Variants in PPP4R3B observed in about 807,000 individuals in gnomAD.
PPP4R3B encodes the protein serine/threonine-protein phosphatase 4 regulatory subunit 3B.
Under a neutral mutation model 95.4 loss-of-function variants are expected in PPP4R3B, and 52 were observed. The observed-to-expected ratio is 0.54, with a 90% CI of 0.44 to 0.69. The LOEUF is 0.69. Among genes scored for constraint, PPP4R3B ranks in the 30% least tolerant of loss-of-function variants. The pLI is 0.00. For synonymous variants in PPP4R3B, 407 were observed against 343.9 expected (o/e 1.18, Z -2.03); for missense variants, 1,003 against 1,005.9 (o/e 1.00, Z 0.04).
intron 3 of PPP4R3B, among the ~76,000 whole-genome samples, chr2:55,599,902 T>C (rs1692313033): frequency 6.6e-6 from 1 of 152,200 alleles, no homozygotes; most frequent in South Asian, 2.1e-4. Flanking sequence ...CTTCACACAT[T>C]TCCTTCATTC....
intron 16 of PPP4R3B, among the ~76,000 whole-genome samples, chr2:55,553,997 A>T (rs35057183): frequency 0.11 from 16,358 of 152,182 alleles, 1,100 homozygotes; most frequent in East Asian, 0.24. Flanking sequence ...GTCATATGGT[A>T]ACTCTGGGTC....
At chr2:55,591,660 T>G in intron 4 of PPP4R3B, 1 of 984,822 alleles carries the variant, frequency 1.0e-6, no homozygotes, top group Non-Finnish European at 1.2e-6. Flanking sequence ...TGAATTCTTC[T>G]TATATGATTC....
At position 55,578,323 on chromosome 2, in the gene PPP4R3B, G is replaced by T; in HGVS notation, c.1488C>A (p.Tyr496Ter). The change falls in exon 10 of 17, where the codon TAC becomes TAA. Residue 496 changes from tyrosine (Y) to a stop codon, truncating the protein, a stop_gained. Coordinates refer to ENST00000616407, the MANE Select transcript of PPP4R3B (RefSeq NM_001122964.3). LOFTEE classifies it high-confidence loss of function. ...TACATATGAAACTCCAACTATATCTGTAATGTTTTAAAAAAAAATCTGAAA... is the reference window on the plus strand; with the variant it reads ...TACATATGAAACTCCAACTATATCTTTAATGTTTTAAAAAAAAATCTGAAA... ...KCEKDFFLKHYRYSWSFICTP... is the reference protein window; with the variant it reads ...KCEKDFFLKH 6.9e-7 allele frequency: 1 copy of T among 1,446,512 alleles called. No individual in the cohort carries two copies. The highest frequency in any genetic ancestry group is 1.6e-5 in the South Asian group (1 of 61,454). The allele number at this position is 1,446,512 out of a possible 1,614,324, so 89.6% of individuals were successfully genotyped here. A position where few individuals can be genotyped will look rare whatever the true frequency, so the allele number is the denominator to read the frequency against.
At chr2:55,594,393 A>C (rs934985270) in intron 4 of PPP4R3B, among the ~76,000 whole-genome samples, 2 of 152,176 alleles carry the variant, frequency 1.3e-5, no homozygotes, top group African/African-American at 4.8e-5. Context: ...CAGTTCACAG[A>C]ATCTGGCTAT....
chr2:55,598,375 T>C (rs556588790), intron 4 of PPP4R3B, 41 bp downstream of exon 4: 3 of 1,585,296 alleles, frequency 1.9e-6, no homozygotes, highest in African/African-American at 1.4e-5. Flanking sequence ...GGGAACTAAA[T>C]ATCTGAAAAA....
At chr2:55,567,569 T>C (rs2103978341) in intron 13 of PPP4R3B, among the ~76,000 whole-genome samples, 1 of 152,170 alleles carries the variant, frequency 6.6e-6, no homozygotes. Context: ...GCGTGTGCCA[T>C]CACACTCAGC....
chr2:55,617,150 A>C lies in PPP4R3B; in HGVS notation c.136T>G (p.Ser46Ala), dbSNP rs551312234. ...KGMSLLVRAE[S>A]DGSLLLESKI... is the part of the protein sequence containing the mutation. ...ACAGTTCCGATAACCTTACCGTCGG[A>C]CTCTGCCCGAACCAGCAGCGACATC... The change falls in exon 1 of 17, where the codon TCC becomes GCC. Residue 46 changes from serine (S) to alanine (A), a missense_variant. Coordinates refer to ENST00000616407, the MANE Select transcript of PPP4R3B (RefSeq NM_001122964.3). The C allele has an allele frequency of 1.9e-6, 3 of 1,611,294 alleles. No individual in the cohort carries two copies. The African/African-American group carries it at 4.0e-5, about 22-fold the overall frequency.
intron 2 of PPP4R3B, chr2:55,615,229 T>G (rs1258263434): frequency 1.0e-5 from 5 of 489,126 alleles, no homozygotes; most frequent in Non-Finnish European, 1.8e-5. Flanking sequence ...AATAAATACA[T>G]CTTAGAATAA....
At chr2:55,557,541 T>C (rs896605999) in intron 16 of PPP4R3B, among the ~76,000 whole-genome samples, 2 of 152,218 alleles carry the variant, frequency 1.3e-5, no homozygotes, top group Non-Finnish European at 1.5e-5. Context: ...AGTTGAAAAC[T>C]AATTTTAAAA....
rs1385170713 is a variant in PPP4R3B at position 55,557,729 on chromosome 2, A to C, written c.2454+1046T>G. 5.3e-5 allele frequency among the ~76,000 whole-genome samples: 8 copies of C among 152,208 alleles called. No homozygotes were observed. In the East Asian group the frequency reaches 1.2e-3, roughly 22 times the overall value. ...TTCCTTTAATTAGGTATGTACTACC[A>C]CGGTGTTTCTGCTTGTCTTTCTACC... On this transcript the variant is annotated intron_variant, in intron 16 of 16. Coordinates refer to ENST00000616407, the MANE Select transcript of PPP4R3B (RefSeq NM_001122964.3).
chr2:55,559,947 C>T (rs1686376748), intron 15 of PPP4R3B, among the ~76,000 whole-genome samples: 1 of 151,988 alleles, frequency 6.6e-6, no homozygotes, highest in Non-Finnish European at 1.5e-5. Context: ...CATGATGAAA[C>T]CTATTCTCTA....
At chr2:55,589,225 T>A (rs1422233488) in intron 4 of PPP4R3B, among the ~76,000 whole-genome samples, 1 of 152,230 alleles carries the variant, frequency 6.6e-6, no homozygotes, top group Non-Finnish European at 1.5e-5. Flanking sequence ...CTAGAGGTGT[T>A]ACGTGAAAAC....
chr2:55,564,033 C>G (rs1468866763), intron 15 of PPP4R3B, among the ~76,000 whole-genome samples: 1 of 152,034 alleles, frequency 6.6e-6, no homozygotes, highest in East Asian at 1.9e-4. Context: ...GAAATAAAGC[C>G]AAGACTATTC....
chr2:55,600,867 T>C (rs1054689257), intron 3 of PPP4R3B, among the ~76,000 whole-genome samples: 9 of 151,948 alleles, frequency 5.9e-5, no homozygotes, highest in African/African-American at 1.9e-4. Context: ...AGTATTAACA[T>C]TGGTGCCTAA....
intron 16 of PPP4R3B, 107 bp from the exon 17 acceptor site, chr2:55,550,113 A>C: frequency 1.4e-6 from 1 of 735,650 alleles, no homozygotes; most frequent in Non-Finnish European, 2.2e-6. Flanking sequence ...TTTCTAAATC[A>C]TATCAGAAAT....
At chr2:55,586,869 T>C in intron 5 of PPP4R3B, 135 bp from the exon 6 acceptor site, 1 of 506,328 alleles carries the variant, frequency 2.0e-6, no homozygotes, top group African/African-American at 2.0e-5. Flanking sequence ...TCCTCAAAAC[T>C]ACATTAAAAA....
chr2:55,557,006 T>C (rs1345237813), intron 16 of PPP4R3B, among the ~76,000 whole-genome samples: 3 of 152,158 alleles, frequency 2.0e-5, no homozygotes, highest in African/African-American at 7.2e-5. Context: ...GCGGAGGCAG[T>C]GAGCTGTGAT....
chr2:55,596,278 T>C (rs1691766430), intron 4 of PPP4R3B, among the ~76,000 whole-genome samples: 1 of 152,192 alleles, frequency 6.6e-6, no homozygotes, highest in African/African-American at 2.4e-5. Context: ...ATATAAAAAC[T>C]GTTCTTGGAG....
rs770018855 is a variant in PPP4R3B at position 55,586,696 on chromosome 2, T to C, written c.1038A>G (p.Thr346=). The C allele has an allele frequency of 3.1e-6, 5 of 1,607,810 alleles. No individual in the cohort carries two copies. Among genetic ancestry groups the C allele is most frequent in the South Asian group, 2.2e-5 (2 of 89,146 alleles). The change falls in exon 6 of 17, where the codon ACA becomes ACG. Residue 346 remains threonine, a synonymous_variant. Coordinates refer to ENST00000616407, the MANE Select transcript of PPP4R3B (RefSeq NM_001122964.3). ...FFKEFCAFSQ[T]LQPQNRDAFF... ...ATGCATCCCTGTTTTGAGGTTGTAA[T>C]GTCTGAGAAAATGCACAAAACTCCT... is the stretch of plus-strand genomic sequence containing the variant.
Sources: gnomAD v4.1 joint callset for allele counts (sites outside exome capture counted in the v4.1 genomes callset) on GRCh38, gnomAD v4.1.1 for gene constraint, MANE v1.5 for transcripts, NCBI Gene and HGNC (gene_info 2026-07-23, HGNC 2026-07-21) for gene names.